ERGIC1: variants seen among roughly 807,000 people sequenced by gnomAD.
ERGIC1 encodes endoplasmic reticulum-Golgi intermediate compartment protein 1.
Under a neutral mutation model 38.3 loss-of-function variants are expected in ERGIC1, and 19 were observed. That is an observed-to-expected ratio of 0.50 (90% CI 0.35 to 0.73). ERGIC1 has a LOEUF of 0.73. Ranked by LOEUF, ERGIC1 falls within the 30% of genes least tolerant of loss-of-function variation. The pLI is 0.01. For synonymous variants in ERGIC1, 124 were observed against 157.6 expected (o/e 0.79, Z 1.60); for missense variants, 294 against 389.2 (o/e 0.76, Z 2.06).
At chr5:172,933,457 T>C (rs1198169331) in intron 8 of ERGIC1, 1 of 151,976 alleles carries the variant, frequency 6.6e-6, no homozygotes, top group African/African-American at 2.4e-5. Flanking sequence ...CACTGAGAGG[T>C]GGTTGTAGAG....
chr5:172,885,532 AG>A (rs1762396392), intron 1 of ERGIC1, among the ~76,000 whole-genome samples: 1 of 152,048 alleles, frequency 6.6e-6, no homozygotes, highest in African/African-American at 2.4e-5. Context: ...TGGGGTATCG[AG>A]CCCCAGGACA....
intron 3 of ERGIC1, among the ~76,000 whole-genome samples, chr5:172,908,194 G>A (rs1223718587): frequency 6.7e-6 from 1 of 150,288 alleles, no homozygotes; most frequent in African/African-American, 2.5e-5. Flanking sequence ...AGGATCCTGG[G>A]TTAGCCAGGT....
At chr5:172,913,401 A>T (rs1763259266) in intron 4 of ERGIC1, among the ~76,000 whole-genome samples, 1 of 152,256 alleles carries the variant, frequency 6.6e-6, no homozygotes, top group Non-Finnish European at 1.5e-5. Flanking sequence ...CTGAGTGAAA[A>T]GCGGACCTGC....
chr5:172,928,126 C>A (rs1252207798), intron 7 of ERGIC1, among the ~76,000 whole-genome samples: 1 of 152,124 alleles, frequency 6.6e-6, no homozygotes, highest in Non-Finnish European at 1.5e-5. Flanking sequence ...GTCGGCCGTC[C>A]ACAAATGTCT....
chr5:172,903,202 C>T (rs1009376625), intron 3 of ERGIC1, among the ~76,000 whole-genome samples: 11 of 152,178 alleles, frequency 7.2e-5, no homozygotes, highest in East Asian at 1.9e-4. Context: ...TGTGAGCACA[C>T]GCTCTGTGCT....
chr5:172,889,566 T>C (rs1422077928), intron 2 of ERGIC1, among the ~76,000 whole-genome samples: 3 of 152,130 alleles, frequency 2.0e-5, no homozygotes, highest in Non-Finnish European at 4.4e-5. Flanking sequence ...AGGAGCCAAC[T>C]TGAAAGTCAG....
At chr5:172,912,068 T>C (rs1424865793) in intron 4 of ERGIC1, among the ~76,000 whole-genome samples, 4 of 151,304 alleles carry the variant, frequency 2.6e-5, no homozygotes, top group African/African-American at 9.7e-5. Context: ...GGGAACCTTC[T>C]GGAGTTTCTT....
At chr5:172,909,642 G>T (rs1029599769) in intron 3 of ERGIC1, 25 bp from the exon 4 acceptor site, 10 of 1,609,568 alleles carry the variant, frequency 6.2e-6, no homozygotes, top group Non-Finnish European at 8.5e-6. Context: ...CTCAACAAAG[G>T]TTCCTATACT....
intron 6 of ERGIC1, among the ~76,000 whole-genome samples, chr5:172,925,366 T>C (rs2446192): frequency 0.39 from 59,600 of 152,130 alleles, 12,081 homozygotes; most frequent in African/African-American, 0.45. Flanking sequence ...GGGTTAGAAA[T>C]GAAGCCTTCA....
At chr5:172,855,431 CATGTTTACT>C (rs1761522208) in intron 1 of ERGIC1, among the ~76,000 whole-genome samples, 2 of 152,206 alleles carry the variant, frequency 1.3e-5, no homozygotes, top group Non-Finnish European at 2.9e-5. Context: ...ATGTCTGTTG[CATGTTTACT>C]ATGTGCTGCG....
Position 172,926,592 on chromosome 5 carries a change from GC to G in ERGIC1, c.541+25del, listed in dbSNP as rs752580862. 6.2e-7 allele frequency: 1 copy of G among 1,610,006 alleles called. No individual in the cohort carries two copies. The highest frequency in any genetic ancestry group is 8.5e-7 in the Non-Finnish European group (1 of 1,179,896). Reference sequence around the variant, plus strand: ...ACCGTATGTATCCCTGCTGGGAACAGCCTTCTGCTCCAAGATGCCCAGTACA... The same window carrying G: ...ACCGTATGTATCCCTGCTGGGAACAGCTTCTGCTCCAAGATGCCCAGTACA... On this transcript the variant is annotated intron_variant, in intron 7 of 9. Coordinates refer to ENST00000393784, the MANE Select transcript of ERGIC1 (RefSeq NM_001031711.3). The surrounding 1 kb of genome is among the most constrained non-coding windows in gnomAD (Gnocchi z 5.2).
intron 1 of ERGIC1, among the ~76,000 whole-genome samples, chr5:172,884,262 T>G (rs1330386048): frequency 1.8e-4 from 27 of 150,074 alleles, no homozygotes; most frequent in Admixed American, 9.3e-4. Flanking sequence ...TTTTTTTTTT[T>G]TTTTTTTTAA....
chr5:172,914,234 CAAAAAAA>C lies in ERGIC1; in HGVS notation c.251-463_251-457del, dbSNP rs35584191. ...TGGGCAAGAGAGCAAGACTCTGTCT[CAAAAAAA>C]AAAAAAAAAAAAAAAATACAAAGAC... is the stretch of plus-strand genomic sequence containing the variant. On this transcript the variant is annotated intron_variant, in intron 4 of 9. Coordinates refer to ENST00000393784, the MANE Select transcript of ERGIC1 (RefSeq NM_001031711.3). 2.9e-3 allele frequency among the ~76,000 whole-genome samples: 295 copies of C among 102,164 alleles called. 1 individual carries two copies. The highest frequency in any genetic ancestry group is 9.8e-3 in the African/African-American group (230 of 23,486). 67.0% of individuals were successfully genotyped at this position (102,164 alleles called of 152,430 possible). A position where few individuals can be genotyped will look rare whatever the true frequency, so the allele number is the denominator to read the frequency against.
intron 7 of ERGIC1, among the ~76,000 whole-genome samples, chr5:172,932,168 T>C (rs1763791395): frequency 6.6e-6 from 1 of 152,144 alleles, no homozygotes; most frequent in South Asian, 2.1e-4. Context: ...CAACACTCAC[T>C]CTTTCATGGT....
Position 172,896,650 on chromosome 5 carries a change from GA to G in ERGIC1, c.83-349del, listed in dbSNP as rs200058118. ...CTGTTCAAGGTGGACTCCAGATTGT[GA>G]AATATGTTGTCACTCGAGCCAAACA... On this transcript the variant is annotated intron_variant, in intron 2 of 9. Transcript: ENST00000393784. Among the ~76,000 whole-genome samples, 1,098 of 152,362 alleles carry G rather than the reference GA, an allele frequency of 7.2e-3. 10 individuals carry two copies. Among genetic ancestry groups the G allele is most frequent in the African/African-American group, 0.024 (1,014 of 41,586 alleles).
intron 1 of ERGIC1, among the ~76,000 whole-genome samples, chr5:172,853,615 C>T (rs530491948): frequency 5.9e-5 from 9 of 152,320 alleles, no homozygotes; most frequent in East Asian, 5.8e-4. Flanking sequence ...CCCCCCGCCC[C>T]GGAGGATGGG....
At chr5:172,916,479 TG>T (rs1763367691) in intron 5 of ERGIC1, 1 of 152,330 alleles carries the variant, frequency 6.6e-6, no homozygotes, top group South Asian at 2.1e-4. Flanking sequence ...GCCTTAGAAC[TG>T]GACTATCCAA....
At chr5:172,920,635 T>G (rs1416773894) in intron 5 of ERGIC1, 2 of 579,814 alleles carry the variant, frequency 3.4e-6, no homozygotes, top group Admixed American at 5.7e-5. Flanking sequence ...TGTGATGGAT[T>G]TGGTGTGGAG....
rs935042410 is a variant in ERGIC1 at position 172,834,671 on chromosome 5, C to T, written c.20+238C>T. Reference sequence around the variant, plus strand: ...ATCCACCCACCTTCCCTCCGCCGAGCCCCCTCCCCAGCCTGCCCGGATACC... The same window carrying T: ...ATCCACCCACCTTCCCTCCGCCGAGTCCCCTCCCCAGCCTGCCCGGATACC... On this transcript the variant is annotated intron_variant, in intron 1 of 9. Transcript: ENST00000393784. This position sits in a 1 kb window ranked among gnomAD's most constrained non-coding sequence, Gnocchi z 4.1. 6.6e-6 allele frequency among the ~76,000 whole-genome samples: 1 copy of T among 150,540 alleles called. No homozygotes were observed. Among genetic ancestry groups the T allele is most frequent in the Non-Finnish European group, 1.5e-5 (1 of 67,502 alleles).
Sources: allele counts gnomAD v4.1 joint callset (sites outside exome capture counted in the v4.1 genomes callset), GRCh38; gene constraint gnomAD v4.1.1; non-coding constraint Gnocchi (gnomAD v3.1); transcripts MANE v1.5; gene names NCBI Gene and HGNC (gene_info 2026-07-23, HGNC 2026-07-21).